HIPK2: variants seen among roughly 807,000 people sequenced by gnomAD.
HIPK2 encodes the protein homeodomain-interacting protein kinase 2.
A neutral mutation model predicts 113.7 loss-of-function variants in HIPK2; 27 were observed. The observed-to-expected ratio is 0.24, with a 90% CI of 0.17 to 0.33. The LOEUF (loss-of-function observed/expected upper bound fraction) is 0.33, where lower values mean the gene tolerates loss of function less well. Among genes scored for constraint, HIPK2 ranks in the 10% least tolerant of loss-of-function variants. The pLI is 1.00. For synonymous variants in HIPK2, 631 were observed against 642.2 expected (o/e 0.98, Z 0.26); for missense variants, 1,257 against 1,588.0 (o/e 0.79, Z 3.54).
chr7:139,720,462 G>A (rs1795374374), intron 1 of HIPK2, among the ~76,000 whole-genome samples: 1 of 152,168 alleles, frequency 6.6e-6, no homozygotes, highest in Non-Finnish European at 1.5e-5. Context: ...AGGAATCCTC[G>A]TGCCTGACAA....
chr7:139,620,450 G>T lies in HIPK2; in HGVS notation c.1733C>A (p.Thr578Asn), dbSNP rs367785445. 2.0e-5 allele frequency: 33 copies of T among 1,613,894 alleles called. No homozygotes were observed. The highest frequency in any genetic ancestry group is 2.6e-5 in the Non-Finnish European group (31 of 1,179,916). Residue 578 changes from threonine to asparagine, a missense_variant, in exon 7 of 15, where the codon ACC (threonine) becomes AAC (asparagine). Transcript: ENST00000406875. Reference protein sequence around the residue: ...FITHVAPSTSTNLTMTFNNQL... With the variant: ...FITHVAPSTSNNLTMTFNNQL... ...GTTGTTAAAGGTCATGGTCAGGTTG[G>T]TGGACGTGCTGGGGGCCACGTGCGT...
At chr7:139,760,025 CAG>C (rs945315587) in intron 1 of HIPK2, among the ~76,000 whole-genome samples, 5 of 148,010 alleles carry the variant, frequency 3.4e-5, no homozygotes, top group Admixed American at 3.4e-4. Flanking sequence ...TTTTCTGAGA[CAG>C]AGTCTTGCTC....
intron 1 of HIPK2, among the ~76,000 whole-genome samples, chr7:139,765,563 G>C (rs1339506246): frequency 6.6e-6 from 1 of 152,236 alleles, no homozygotes; most frequent in Non-Finnish European, 1.5e-5. Flanking sequence ...TGGCACCTAG[G>C]AGAGTCCCCA....
chr7:139,670,432 T>TTAA (rs1802224038), intron 2 of HIPK2, among the ~76,000 whole-genome samples: 1 of 148,792 alleles, frequency 6.7e-6, no homozygotes, highest in Admixed American at 6.7e-5. Context: ...AAAAATCAGT[T>TTAA]AAAAAAAAAA....
intron 9 of HIPK2, among the ~76,000 whole-genome samples, chr7:139,605,753 C>T (rs1799597849): frequency 6.6e-6 from 1 of 152,164 alleles, no homozygotes; most frequent in Non-Finnish European, 1.5e-5. Context: ...CATGCGCATA[C>T]CATGAGTGCT....
chr7:139,698,969 G>A (rs898764303), intron 2 of HIPK2, among the ~76,000 whole-genome samples: 10 of 152,194 alleles, frequency 6.6e-5, no homozygotes, highest in African/African-American at 2.2e-4. Flanking sequence ...AAAGAAAGAT[G>A]AATAGAGAAA....
intron 1 of HIPK2, among the ~76,000 whole-genome samples, chr7:139,751,737 G>A (rs1222532494): frequency 2.0e-5 from 3 of 152,068 alleles, no homozygotes; most frequent in Non-Finnish European, 4.4e-5. Context: ...TAATGACTAA[G>A]GGCTTGAGAA....
chr7:139,646,465 A>G lies in HIPK2; in HGVS notation c.1104-14740T>C, dbSNP rs1035889529. ...CAGTGAGCTGTGATCACGCCACTGC[A>G]CTCCAGCCTGGGTGACAGAGTAAGA... On this transcript the variant is annotated intron_variant, in intron 2 of 14. Transcript: ENST00000406875. Among the ~76,000 whole-genome samples the G allele has an allele frequency of 5.4e-5, 8 of 149,216 alleles. No individual in the cohort carries two copies. The South Asian group carries it at 1.7e-3, about 32-fold the overall frequency.
chr7:139,757,283 G>T (rs572134359), intron 1 of HIPK2, among the ~76,000 whole-genome samples: 1 of 152,142 alleles, frequency 6.6e-6, no homozygotes, highest in African/African-American at 2.4e-5. Context: ...CCTAGGAAAA[G>T]ATAAAAATTA....
intron 6 of HIPK2, among the ~76,000 whole-genome samples, chr7:139,624,956 C>G (rs1352049433): frequency 6.6e-6 from 1 of 152,212 alleles, no homozygotes; most frequent in Non-Finnish European, 1.5e-5. Context: ...TCTGCTCCAG[C>G]TACCTAAACT....
chr7:139,645,833 G>C (rs1229436820), intron 2 of HIPK2, among the ~76,000 whole-genome samples: 1 of 152,194 alleles, frequency 6.6e-6, no homozygotes, highest in East Asian at 1.9e-4. Flanking sequence ...CTCCTGGTTA[G>C]GACCTGCTGT....
chr7:139,620,813 T>C (rs1474852153), intron 6 of HIPK2, among the ~76,000 whole-genome samples: 7 of 152,224 alleles, frequency 4.6e-5, no homozygotes, highest in Non-Finnish European at 1.0e-4. Context: ...AGGTTCTATA[T>C]ATCACAACAA....
chr7:139,593,344 G>A (rs1344142589), intron 12 of HIPK2, among the ~76,000 whole-genome samples: 1 of 152,210 alleles, frequency 6.6e-6, no homozygotes, highest in Non-Finnish European at 1.5e-5. Flanking sequence ...AACACCCAGT[G>A]CATGTTTGCT....
intron 10 of HIPK2, among the ~76,000 whole-genome samples, chr7:139,602,627 A>G (rs1385719099): frequency 6.8e-6 from 1 of 146,834 alleles, no homozygotes; most frequent in Non-Finnish European, 1.5e-5. Context: ...GGGCGAGGGA[A>G]AAAAAAAAAC....
chr7:139,771,840 ATTATCT>A (rs530091794), intron 1 of HIPK2, among the ~76,000 whole-genome samples: 1 of 152,298 alleles, frequency 6.6e-6, no homozygotes, highest in Admixed American at 6.5e-5. Context: ...AGACCCAGTT[ATTATCT>A]TTAAGTATAT....
At chr7:139,590,955 CCATCT>C (rs1798999624) in intron 12 of HIPK2, among the ~76,000 whole-genome samples, 1 of 152,186 alleles carries the variant, frequency 6.6e-6, no homozygotes, top group Non-Finnish European at 1.5e-5. Flanking sequence ...AGCAATCCTC[CCATCT>C]CAGCTTCCCA....
At chr7:139,734,980 T>A (rs1368019365) in intron 1 of HIPK2, among the ~76,000 whole-genome samples, 1 of 152,214 alleles carries the variant, frequency 6.6e-6, no homozygotes, top group Admixed American at 6.5e-5. Flanking sequence ...TTAATGAGAA[T>A]ATCTACCAAC....
intron 13 of HIPK2, among the ~76,000 whole-genome samples, chr7:139,580,138 G>T (rs1798621644): frequency 6.6e-6 from 1 of 152,234 alleles, no homozygotes; most frequent in South Asian, 2.1e-4. Flanking sequence ...GTTGGGGGAA[G>T]CCTCCTTCTT....
chr7:139,614,628 G>A (rs541971012), intron 7 of HIPK2, 135 bp from the exon 8 acceptor site: 2 of 589,146 alleles, frequency 3.4e-6, no homozygotes, highest in South Asian at 1.4e-4. Flanking sequence ...AGAGCAGAAA[G>A]GCAAAAGCAG....
Sources: gnomAD v4.1 joint callset for allele counts (sites outside exome capture counted in the v4.1 genomes callset) on GRCh38, gnomAD v4.1.1 for gene constraint, MANE v1.5 for transcripts, NCBI Gene and HGNC (gene_info 2026-07-23, HGNC 2026-07-21) for gene names.